The following EHBP1 variants were observed in gnomAD, a reference collection of about 807,000 sequenced individuals.
EHBP1 encodes the protein EH domain-binding protein 1.
A neutral mutation model predicts 144.0 loss-of-function variants in EHBP1; 55 were observed. That is an observed-to-expected ratio of 0.38 (90% CI 0.31 to 0.48). The LOEUF is 0.48. Among genes scored for constraint, EHBP1 ranks in the 20% least tolerant of loss-of-function variants. The pLI, the probability that EHBP1 is intolerant of heterozygous loss-of-function variation, is 0.98. For synonymous variants in EHBP1, 469 were observed against 472.7 expected (o/e 0.99, Z 0.10); for missense variants, 1,200 against 1,364.2 (o/e 0.88, Z 1.90).
chr2:62,936,178 A>AT (rs1303227057), intron 10 of EHBP1, among the ~76,000 whole-genome samples: 2 of 151,904 alleles, frequency 1.3e-5, no homozygotes, highest in African/African-American at 4.8e-5. Flanking sequence ...AATATTGGAG[A>AT]TTTTTTTTCC....
Position 62,993,544 on chromosome 2 carries a change from T to A in EHBP1, c.2748T>A (p.Asp916Glu). Residue 916 changes from aspartate to glutamate, a missense_variant, in exon 17 of 23, where the codon GAT (aspartate) becomes GAA (glutamate). Asp to Glu is a conservative substitution (Grantham distance 45). Around this residue, in one of 6 missense-constraint regions of EHBP1, gnomAD observed 543 missense variants for 513.1 expected, o/e 1.06. Transcript: ENST00000431489. ...TTTACGTTTAGAGTGGCACAGAAGA[T>A]CTCCGGACTGAACGATTACAAAAAA... Reference protein sequence around the residue: ...SEQDMKSGTEDLRTERLQKTT... With the variant: ...SEQDMKSGTEELRTERLQKTT... 1 of 1,593,944 alleles carries A rather than the reference T, an allele frequency of 6.3e-7. No individual in the cohort carries two copies. The highest frequency in any genetic ancestry group is 8.6e-7 in the Non-Finnish European group (1 of 1,167,242).
At chr2:62,918,058 G>A (rs995663301) in intron 10 of EHBP1, among the ~76,000 whole-genome samples, 3 of 151,936 alleles carry the variant, frequency 2.0e-5, no homozygotes, top group Non-Finnish European at 2.9e-5. Context: ...CACCACACCC[G>A]GCTAATTTTT....
chr2:62,783,587 G>GC (rs2042603559), intron 5 of EHBP1, among the ~76,000 whole-genome samples: 1 of 152,248 alleles, frequency 6.6e-6, no homozygotes, highest in African/African-American at 2.4e-5. Flanking sequence ...CCAAGGCTTG[G>GC]GGCTTGCACC....
At chr2:62,858,264 T>A in intron 7 of EHBP1, 1 of 532,316 alleles carries the variant, frequency 1.9e-6, no homozygotes, top group South Asian at 3.1e-5. Flanking sequence ...TGTTATGGGT[T>A]CATCAAAATA....
chr2:62,932,069 T>TGG (rs1480841629), intron 10 of EHBP1, among the ~76,000 whole-genome samples: 1 of 151,538 alleles, frequency 6.6e-6, no homozygotes, highest in Non-Finnish European at 1.5e-5. Flanking sequence ...CCCAGCTACT[T>TGG]GGGAGGGTAA....
chr2:62,907,532 G>A (rs1031103000), intron 10 of EHBP1, among the ~76,000 whole-genome samples: 3 of 152,136 alleles, frequency 2.0e-5, no homozygotes, highest in Non-Finnish European at 2.9e-5. Context: ...CTGCTTCATG[G>A]TTTAGAGATG....
chr2:62,786,682 A>G (rs1330030933), intron 5 of EHBP1, among the ~76,000 whole-genome samples: 2 of 152,194 alleles, frequency 1.3e-5, no homozygotes, highest in African/African-American at 4.8e-5. Flanking sequence ...TTAATTTTTC[A>G]CATCTTGTTT....
In EHBP1 at chr2:62,758,650, C is replaced by T. The variant is rs370349033; in HGVS notation, c.163-5616C>T. Among the ~76,000 whole-genome samples the T allele has an allele frequency of 1.6e-4, 24 of 152,282 alleles. No homozygotes were observed. The South Asian group carries it at 3.1e-3, about 20-fold the overall frequency. On this transcript the variant is annotated intron_variant, in intron 3 of 22. Transcript: ENST00000431489. ...GTTATGTTGCCCTAAATCCTGTTATCTTATTAGAAATTTAGGCTCACAGAG... is the reference window on the plus strand; with the variant it reads ...GTTATGTTGCCCTAAATCCTGTTATTTTATTAGAAATTTAGGCTCACAGAG...
intron 2 of EHBP1, among the ~76,000 whole-genome samples, chr2:62,710,676 G>GT (rs1421557473): frequency 2.0e-5 from 3 of 151,650 alleles, no homozygotes; most frequent in East Asian, 1.9e-4. Flanking sequence ...GATTTGAAAG[G>GT]TAAAAAAAAA....
At chr2:62,851,605 G>A (rs962415160) in intron 7 of EHBP1, among the ~76,000 whole-genome samples, 1 of 152,138 alleles carries the variant, frequency 6.6e-6, no homozygotes, top group African/African-American at 2.4e-5. Flanking sequence ...ATGAGAGCAG[G>A]TACTAGCACA....
chr2:62,793,625 A>G (rs190323501), intron 5 of EHBP1, among the ~76,000 whole-genome samples: 74 of 152,230 alleles, frequency 4.9e-4, no homozygotes, highest in African/African-American at 1.7e-3. Context: ...GGATTGCTCA[A>G]TTTAATTTGG....
At chr2:62,747,495 A>C in intron 3 of EHBP1, 43 bp downstream of exon 3, 1 of 1,470,774 alleles carries the variant, frequency 6.8e-7, no homozygotes, top group Non-Finnish European at 9.4e-7. Flanking sequence ...GTTGAATACA[A>C]ATTAGCAAAC....
chr2:62,674,834 T>A (rs2033227433), intron 1 of EHBP1, among the ~76,000 whole-genome samples: 1 of 152,216 alleles, frequency 6.6e-6, no homozygotes, highest in South Asian at 2.1e-4. Context: ...TCTCGCTATG[T>A]TTTCCAGGCT....
intron 10 of EHBP1, among the ~76,000 whole-genome samples, chr2:62,911,373 A>T (rs895825488): frequency 2.0e-5 from 3 of 152,052 alleles, no homozygotes; most frequent in Non-Finnish European, 4.4e-5. Flanking sequence ...GTTGTTACTT[A>T]TTTGTTTTAG....
chr2:62,838,208 A>C (rs1191728743), intron 7 of EHBP1, among the ~76,000 whole-genome samples: 1 of 152,200 alleles, frequency 6.6e-6, no homozygotes, highest in Non-Finnish European at 1.5e-5. Flanking sequence ...GCTCAACTAC[A>C]TGGAAACTGA....
At chr2:62,706,457 A>G (rs2034588873) in intron 1 of EHBP1, 2 of 152,192 alleles carry the variant, frequency 1.3e-5, no homozygotes, top group Non-Finnish European at 2.9e-5. Flanking sequence ...CTGGCTCCCT[A>G]ATTTGTTCCA....
chr2:62,973,653 C>T (rs144728926), intron 14 of EHBP1, among the ~76,000 whole-genome samples: 1 of 152,148 alleles, frequency 6.6e-6, no homozygotes, highest in African/African-American at 2.4e-5. Context: ...TCAAACTCAC[C>T]ATTATCAATC....
At chr2:63,014,385 A>T (rs1446309139) in intron 19 of EHBP1, among the ~76,000 whole-genome samples, 2 of 152,222 alleles carry the variant, frequency 1.3e-5, no homozygotes, top group Admixed American at 6.5e-5. Flanking sequence ...AACAGGATCT[A>T]TATAGACTAT....
intron 15 of EHBP1, among the ~76,000 whole-genome samples, chr2:62,984,048 T>A (rs1301108795): frequency 6.6e-6 from 1 of 151,626 alleles, no homozygotes; most frequent in Non-Finnish European, 1.5e-5. Flanking sequence ...ATATCTGTAT[T>A]GTGTTTCCCA....
Sources: allele counts gnomAD v4.1 joint callset (sites outside exome capture counted in the v4.1 genomes callset), GRCh38; gene constraint gnomAD v4.1.1; regional missense constraint gnomAD v4.1.1; transcripts MANE v1.5; gene names NCBI Gene and HGNC (gene_info 2026-07-23, HGNC 2026-07-21).